CLYBL: variants seen among roughly 807,000 people sequenced by gnomAD.
CLYBL encodes the protein citramalyl-CoA lyase.
Under a neutral mutation model 38.9 loss-of-function variants are expected in CLYBL, and 31 were observed. The ratio of observed to expected loss-of-function variants is 0.80; its 90% CI spans 0.60 to 1.08. The LOEUF is 1.08. CLYBL is among the 50% of genes least tolerant of loss of function. The pLI, the probability that CLYBL is intolerant of heterozygous loss-of-function variation, is 0.00. For missense variants in CLYBL, 434 were observed against 411.6 expected (o/e 1.05, Z -0.47); for synonymous variants, 171 against 158.6 (o/e 1.08, Z -0.59).
intron 1 of CLYBL, among the ~76,000 whole-genome samples, chr13:99,655,725 C>G (rs1478729831): frequency 6.6e-6 from 1 of 152,160 alleles, no homozygotes; most frequent in East Asian, 1.9e-4. Flanking sequence ...ATGACGTGGC[C>G]CTGTCTGGGT....
At chr13:99,792,526 C>A (rs971213961) in intron 2 of CLYBL, among the ~76,000 whole-genome samples, 3 of 152,190 alleles carry the variant, frequency 2.0e-5, no homozygotes, top group African/African-American at 7.2e-5. Context: ...CAGAGGAAGG[C>A]AAATGCCTTC....
At chr13:99,901,249 T>C (rs1023780237), downstream of CLYBL, among the ~76,000 whole-genome samples, 1 of 152,254 alleles carries the variant, frequency 6.6e-6, no homozygotes, top group Non-Finnish European at 1.5e-5. Flanking sequence ...CTAGTCCTGC[T>C]AGATTCTTCC....
rs566758219 is a variant in CLYBL, at chr13:99,608,188, C to T, written c.62+1431C>T. 1.7e-3 allele frequency among the ~76,000 whole-genome samples: 260 copies of T among 151,502 alleles called. 1 individual carries two copies. The highest frequency in any genetic ancestry group is 3.1e-3 in the Non-Finnish European group (208 of 67,956). ...CCGGATTCAAGTGATTCTCCTGCCG[C>T]AGCCTCCGGAGTAGTTGGGATTACA... On this transcript the variant is annotated intron_variant, in intron 1 of 8. Coordinates refer to ENST00000339105, the MANE Select transcript of CLYBL (RefSeq NM_206808.5).
At chr13:99,707,687 G>A (rs2048167246) in intron 1 of CLYBL, among the ~76,000 whole-genome samples, 1 of 152,070 alleles carries the variant, frequency 6.6e-6, no homozygotes, top group Admixed American at 6.6e-5. Context: ...AGTTAGTCAT[G>A]TTGTTGCTGC....
rs1296115926 is a variant in CLYBL at position 99,740,466 on chromosome 13, C to T, written c.63-32358C>T. On this transcript the variant is annotated intron_variant, in intron 1 of 8. Coordinates refer to ENST00000339105, the MANE Select transcript of CLYBL (RefSeq NM_206808.5). The stretch of plus-strand genomic sequence containing the variant: ...TAAGAAAATTGCCATCTGAGCATCA[C>T]GCTGCAGGATCTGGTGTTAGATATT... Among the ~76,000 whole-genome samples the T allele has an allele frequency of 7.2e-5, 11 of 152,210 alleles. No individual in the cohort carries two copies. The South Asian group carries it at 1.4e-3, about 20-fold the overall frequency.
At chr13:99,835,697 C>T (rs1481161173) in intron 2 of CLYBL, among the ~76,000 whole-genome samples, 1 of 152,196 alleles carries the variant, frequency 6.6e-6, no homozygotes, top group African/African-American at 2.4e-5. Flanking sequence ...TGCATTTTTG[C>T]ATCCCCAGGA....
intron 1 of CLYBL, among the ~76,000 whole-genome samples, chr13:99,691,761 A>G (rs527967372): frequency 1.3e-5 from 2 of 152,346 alleles, no homozygotes; most frequent in Non-Finnish European, 2.9e-5. Context: ...TCACCTGGCA[A>G]GTCCCTTCTA....
intron 1 of CLYBL, among the ~76,000 whole-genome samples, chr13:99,644,079 C>T (rs1594098610): frequency 6.8e-6 from 1 of 146,294 alleles, no homozygotes; most frequent in Non-Finnish European, 1.5e-5. Flanking sequence ...CACATTTTGT[C>T]TTATGAAACT....
intron 1 of CLYBL, among the ~76,000 whole-genome samples, chr13:99,628,926 G>A (rs1295233741): frequency 1.3e-5 from 2 of 152,194 alleles, no homozygotes; most frequent in African/African-American, 4.8e-5. Flanking sequence ...GAATAAAATT[G>A]TAAATGTTTG....
downstream of CLYBL, chr13:99,894,195 C>A (rs1000026668): frequency 6.6e-6 from 1 of 152,400 alleles, no homozygotes; most frequent in African/African-American, 2.4e-5. Flanking sequence ...TCCCCACCCG[C>A]GTCTCTGTGG....
chr13:99,790,204 G>T (rs569304468), intron 2 of CLYBL, among the ~76,000 whole-genome samples: 10 of 152,170 alleles, frequency 6.6e-5, no homozygotes, highest in Non-Finnish European at 1.3e-4. Context: ...TACATTTAAG[G>T]TTAATATTGT....
At chr13:99,608,847 C>CTTTTTTTTT (rs57961216) in intron 1 of CLYBL, among the ~76,000 whole-genome samples, 3 of 87,886 alleles carry the variant, frequency 3.4e-5, no homozygotes, top group Non-Finnish European at 6.0e-5. Context: ...AGTGATGAGT[C>CTTTTTTTTT]TTTTTTTTTT....
At chr13:99,819,460 ATATATAT>A (rs1566340266) in intron 2 of CLYBL, among the ~76,000 whole-genome samples, 1,104 of 39,480 alleles carry the variant, frequency 0.028, 59 homozygotes, top group African/African-American at 0.064. Flanking sequence ...ATATATATAT[ATATATAT>A]AATATTTGTC....
intron 1 of CLYBL, among the ~76,000 whole-genome samples, chr13:99,766,109 T>C (rs1169457841): frequency 6.6e-6 from 1 of 152,166 alleles, no homozygotes. Flanking sequence ...TGCTTCAGCC[T>C]CCCAAAGTGC....
chr13:99,855,962 G>A (rs986110654), intron 2 of CLYBL, among the ~76,000 whole-genome samples: 4 of 152,134 alleles, frequency 2.6e-5, no homozygotes, highest in Admixed American at 1.3e-4. Flanking sequence ...TCTGTTTTTG[G>A]AAATGTACAG....
downstream of CLYBL, among the ~76,000 whole-genome samples, chr13:99,897,811 G>A (rs927039361): frequency 1.3e-5 from 2 of 152,130 alleles, no homozygotes; most frequent in African/African-American, 4.8e-5. Flanking sequence ...GCTGGGTGTG[G>A]TGGCGCATGC....
At chr13:99,748,437 T>G (rs1231891677) in intron 1 of CLYBL, among the ~76,000 whole-genome samples, 4 of 128,906 alleles carry the variant, frequency 3.1e-5, no homozygotes, top group Non-Finnish European at 5.0e-5. Flanking sequence ...GTGTTTTTTT[T>G]TTTTTTTTTT....
intron 7 of CLYBL, among the ~76,000 whole-genome samples, chr13:99,884,552 G>A (rs914205712): frequency 6.6e-6 from 1 of 152,178 alleles, no homozygotes; most frequent in African/African-American, 2.4e-5. Context: ...TGGAGCAAAC[G>A]TTCTAGTTCT....
chr13:99,784,020 C>A (rs1376264711), intron 2 of CLYBL: 1 of 152,174 alleles, frequency 6.6e-6, no homozygotes, highest in East Asian at 1.9e-4. Flanking sequence ...CTGACTCTTA[C>A]TTATGGCATG....
Sources: gnomAD v4.1 joint callset for allele counts (sites outside exome capture counted in the v4.1 genomes callset) on GRCh38, gnomAD v4.1.1 for gene constraint, MANE v1.5 for transcripts, NCBI Gene and HGNC (gene_info 2026-07-23, HGNC 2026-07-21) for gene names.